Variants in VEGFC observed in about 807,000 individuals in gnomAD.
The protein encoded by VEGFC is vascular endothelial growth factor C, also known as FLT4 ligand DHM.
VEGFC carries 12 observed loss-of-function variants against 46.1 expected under a neutral mutation model. The ratio of observed to expected loss-of-function variants is 0.26; its 90% CI spans 0.17 to 0.42. The LOEUF is 0.42. Among genes scored for constraint, VEGFC ranks in the 10% least tolerant of loss-of-function variants. The probability of loss-of-function intolerance (pLI) is 1.00; values close to 1 mark genes in which losing one functional copy is unlikely to be tolerated. For missense variants in VEGFC, 488 were observed against 529.4 expected, an observed-to-expected ratio of 0.92 and a Z score of 0.77; for synonymous variants, 232 against 195.5, an observed-to-expected ratio of 1.19 and a Z score of -1.56.
chr4:176,729,236 G>C (rs942044297), intron 2 of VEGFC, among the ~76,000 whole-genome samples: 2 of 152,290 alleles, frequency 1.3e-5, no homozygotes, highest in East Asian at 3.9e-4. Flanking sequence ...TTATTAAACA[G>C]ATATAGTATG....
At chr4:176,755,302 C>G (rs1302437148) in intron 1 of VEGFC, among the ~76,000 whole-genome samples, 2 of 152,030 alleles carry the variant, frequency 1.3e-5, no homozygotes, top group Non-Finnish European at 2.9e-5. Flanking sequence ...TGCCCACTTA[C>G]AGCAGACAGG....
At chr4:176,694,522 T>A (rs1401025140) in intron 4 of VEGFC, among the ~76,000 whole-genome samples, 1 of 151,714 alleles carries the variant, frequency 6.6e-6, no homozygotes, top group South Asian at 2.1e-4. Context: ...CTCCCACACA[T>A]TAATAATGGG....
chr4:176,778,810 C>G (rs1223221939), intron 1 of VEGFC, among the ~76,000 whole-genome samples: 2 of 152,146 alleles, frequency 1.3e-5, no homozygotes, highest in African/African-American at 4.8e-5. Flanking sequence ...AAAACCTTCT[C>G]AATTTTCTAA....
intron 1 of VEGFC, among the ~76,000 whole-genome samples, chr4:176,788,803 T>A (rs977190733): frequency 2.6e-5 from 4 of 152,178 alleles, no homozygotes; most frequent in African/African-American, 9.7e-5. Flanking sequence ...TGTTGGTATA[T>A]GCCATAAAAC....
intron 1 of VEGFC, among the ~76,000 whole-genome samples, chr4:176,782,407 C>T (rs1436310437): frequency 1.3e-5 from 2 of 150,596 alleles, no homozygotes; most frequent in South Asian, 2.1e-4. Context: ...GAGGCTGCAA[C>T]GAGCCACGTT....
chr4:176,732,914 G>A (rs1226771157), intron 1 of VEGFC, among the ~76,000 whole-genome samples: 1 of 151,612 alleles, frequency 6.6e-6, no homozygotes, highest in East Asian at 1.9e-4. Context: ...GCACATAACT[G>A]GTAAAGACTT....
chr4:176,688,220 A>G (rs1331175668), intron 4 of VEGFC, among the ~76,000 whole-genome samples: 2 of 152,216 alleles, frequency 1.3e-5, no homozygotes. Flanking sequence ...CTTGTGAAAT[A>G]AATAAGGTAA....
intron 1 of VEGFC, among the ~76,000 whole-genome samples, chr4:176,735,744 A>T (rs1053264983): frequency 2.6e-5 from 4 of 151,844 alleles, no homozygotes; most frequent in Admixed American, 6.6e-5. Flanking sequence ...TTGACCTGAA[A>T]ATGTAAGGGG....
chr4:176,786,284 C>T (rs911283565), intron 1 of VEGFC, among the ~76,000 whole-genome samples: 2 of 152,244 alleles, frequency 1.3e-5, no homozygotes, highest in African/African-American at 2.4e-5. Context: ...GGTTTTCACA[C>T]TTCCCACCAT....
chr4:176,705,738 GTTA>G (rs1173107407), intron 4 of VEGFC, among the ~76,000 whole-genome samples: 2 of 152,060 alleles, frequency 1.3e-5, no homozygotes, highest in Non-Finnish European at 2.9e-5. Context: ...TGAGTTAGGA[GTTA>G]TTATTATTAT....
chr4:176,688,162 T>C (rs1480317858), intron 4 of VEGFC, among the ~76,000 whole-genome samples: 1 of 152,256 alleles, frequency 6.6e-6, no homozygotes, highest in Non-Finnish European at 1.5e-5. Flanking sequence ...CAGACTTTTA[T>C]CTTTTTAAGG....
At chr4:176,696,972 C>T (rs2110980159) in intron 4 of VEGFC, among the ~76,000 whole-genome samples, 1 of 150,398 alleles carries the variant, frequency 6.6e-6, no homozygotes, top group African/African-American at 2.5e-5. Context: ...ACACCTTATA[C>T]AAAAATCAGT....
chr4:176,735,304 A>T (rs573119836), intron 1 of VEGFC, among the ~76,000 whole-genome samples: 41 of 152,042 alleles, frequency 2.7e-4, no homozygotes, highest in African/African-American at 9.6e-4. Context: ...ATAGCCTGTA[A>T]TTTAAGACTA....
At chr4:176,739,305 A>T (rs1041155034) in intron 1 of VEGFC, among the ~76,000 whole-genome samples, 21 of 151,816 alleles carry the variant, frequency 1.4e-4, no homozygotes, top group African/African-American at 5.1e-4. Context: ...ATTACTGGGT[A>T]TATACCCAAA....
rs545107906 is a variant in VEGFC, at chr4:176,777,178, G to A, written c.147+14987C>T. Among the ~76,000 whole-genome samples, 370 of 152,192 alleles carry A rather than the reference G, an allele frequency of 2.4e-3. 2 individuals are homozygous for A. The highest frequency in any genetic ancestry group is 1.6e-3 in the Non-Finnish European group (106 of 68,000). On this transcript the variant is annotated intron_variant, in intron 1 of 6. Transcript: ENST00000618562. ...AAAAAATACAAAAAATTAGCCGGGC[G>A]TGGTGGCGGGCGCCTGTAGTCCCAG...
At chr4:176,686,237 T>C (rs1467475372) in intron 6 of VEGFC, among the ~76,000 whole-genome samples, 2 of 152,200 alleles carry the variant, frequency 1.3e-5, no homozygotes, top group African/African-American at 4.8e-5. Flanking sequence ...TTGGCAACTA[T>C]GAGGCCAATG....
intron 1 of VEGFC, among the ~76,000 whole-genome samples, chr4:176,760,346 T>C (rs1173496169): frequency 6.6e-6 from 1 of 152,196 alleles, no homozygotes; most frequent in Non-Finnish European, 1.5e-5. Context: ...TAGGTTTCAA[T>C]TAAGATATTA....
At chr4:176,712,743 A>G (rs1359484842) in intron 3 of VEGFC, among the ~76,000 whole-genome samples, 3 of 152,212 alleles carry the variant, frequency 2.0e-5, no homozygotes, top group African/African-American at 7.2e-5. Flanking sequence ...ATTAGCTGCC[A>G]ATTTTGTCCA....
intron 1 of VEGFC, among the ~76,000 whole-genome samples, chr4:176,731,774 C>T (rs1734969439): frequency 6.6e-6 from 1 of 151,806 alleles, no homozygotes; most frequent in East Asian, 1.9e-4. Context: ...AGATATTCAC[C>T]GAACTGTTAA....
Sources: allele counts gnomAD v4.1 joint callset (sites outside exome capture counted in the v4.1 genomes callset), GRCh38; gene constraint gnomAD v4.1.1; transcripts MANE v1.5; gene names NCBI Gene and HGNC (gene_info 2026-07-23, HGNC 2026-07-21).